Variants in DCDC1 observed in about 807,000 individuals in gnomAD.
DCDC1 encodes doublecortin domain-containing protein 1.
A neutral mutation model predicts 178.3 loss-of-function variants in DCDC1; 200 were observed. That is an observed-to-expected ratio of 1.12 (90% confidence interval 1.00 to 1.26). The LOEUF (loss-of-function observed/expected upper bound fraction) is 1.26, where lower values mean the gene tolerates loss of function less well. Among genes scored for constraint, DCDC1 ranks in the 50% most tolerant of loss-of-function variants. DCDC1 has a pLI of 0.00. For synonymous variants in DCDC1, 690 were observed against 604.8 expected (o/e 1.14, Z -2.07); for missense variants, 1,983 against 1,749.2 (o/e 1.13, Z -2.38).
At chr11:31,082,518 T>C (rs563593233) in intron 17 of DCDC1, among the ~76,000 whole-genome samples, 18 of 152,190 alleles carry the variant, frequency 1.2e-4, no homozygotes, top group Middle Eastern at 3.4e-3. Context: ...TAAATGTCTA[T>C]ATAGGTAATA....
intron 20 of DCDC1, among the ~76,000 whole-genome samples, chr11:31,023,927 A>G (rs1953058131): frequency 1.3e-5 from 2 of 152,030 alleles, no homozygotes; most frequent in Non-Finnish European, 2.9e-5. Context: ...AAGGAAATCA[A>G]TATGCTCACT....
intron 20 of DCDC1, among the ~76,000 whole-genome samples, chr11:31,000,272 T>C (rs1408734068): frequency 6.6e-6 from 1 of 152,214 alleles, no homozygotes; most frequent in East Asian, 1.9e-4. Context: ...AAGAATTCAG[T>C]ATAATTGTCT....
chr11:31,165,229 T>C (rs1966666019), intron 9 of DCDC1, among the ~76,000 whole-genome samples: 1 of 152,200 alleles, frequency 6.6e-6, no homozygotes. Context: ...TTTTTGTCAA[T>C]CTAATAGGTA....
intron 20 of DCDC1, among the ~76,000 whole-genome samples, chr11:30,954,176 C>T (rs1204576810): frequency 2.6e-5 from 4 of 151,672 alleles, no homozygotes; most frequent in African/African-American, 7.3e-5. Context: ...CCACCACGCC[C>T]GGCTATTTTT....
chr11:31,204,057 C>T (rs1403762477), intron 9 of DCDC1, among the ~76,000 whole-genome samples: 2 of 152,044 alleles, frequency 1.3e-5, no homozygotes, highest in Non-Finnish European at 2.9e-5. Flanking sequence ...TTAGTGTTTG[C>T]CAATTTCTGT....
At chr11:31,174,407 C>T (rs917513845) in intron 9 of DCDC1, among the ~76,000 whole-genome samples, 3 of 152,200 alleles carry the variant, frequency 2.0e-5, no homozygotes, top group Non-Finnish European at 4.4e-5. Context: ...TGGGCACCAA[C>T]CAGCACAAGA....
intron 10 of DCDC1, among the ~76,000 whole-genome samples, chr11:31,135,704 A>T (rs1963044787): frequency 6.6e-6 from 1 of 152,162 alleles, no homozygotes; most frequent in Non-Finnish European, 1.5e-5. Context: ...TAAGCAAAAG[A>T]CTTTTTGAGC....
chr11:31,238,027 C>T (rs1016388002), intron 9 of DCDC1, among the ~76,000 whole-genome samples: 2 of 151,684 alleles, frequency 1.3e-5, no homozygotes, highest in African/African-American at 4.8e-5. Context: ...AACTGTTAGG[C>T]CATACTGTGA....
intron 18 of DCDC1, among the ~76,000 whole-genome samples, chr11:31,073,136 G>A (rs1565248411): frequency 6.6e-6 from 1 of 152,088 alleles, no homozygotes; most frequent in Non-Finnish European, 1.5e-5. Context: ...AGAATGAAAT[G>A]CCTCATTAAT....
chr11:30,995,658 G>T lies in DCDC1; in HGVS notation c.2592-43090C>A, dbSNP rs139432265. ...GGTAGAAAAGCAACTAATTGAGAAA[G>T]AATTGTCTTTCAGCAAATAGTGCTG... On this transcript the variant is annotated intron_variant, in intron 20 of 38. Coordinates refer to ENST00000684477, the MANE Select transcript of DCDC1 (RefSeq NM_001387274.1). 2.0e-4 allele frequency among the ~76,000 whole-genome samples: 31 copies of T among 152,170 alleles called. No individual in the cohort carries two copies. In the East Asian group the frequency reaches 6.0e-3, roughly 29 times the overall value.
At chr11:31,209,444 G>C (rs1476665701) in intron 9 of DCDC1, among the ~76,000 whole-genome samples, 2 of 152,238 alleles carry the variant, frequency 1.3e-5, no homozygotes, top group African/African-American at 4.8e-5. Context: ...AAATATTACA[G>C]AGTGGTTGAA....
At chr11:31,351,549 G>GT (rs1324475253) in intron 1 of DCDC1, among the ~76,000 whole-genome samples, 3 of 152,076 alleles carry the variant, frequency 2.0e-5, no homozygotes, top group African/African-American at 7.2e-5. Context: ...GCTCAGAAAA[G>GT]TTTGTAAATA....
intron 20 of DCDC1, among the ~76,000 whole-genome samples, chr11:30,988,798 G>C (rs1410271199): frequency 6.6e-6 from 1 of 152,180 alleles, no homozygotes. Flanking sequence ...GGCATCGTAG[G>C]CTACATGTGG....
chr11:30,978,779 A>AAC (rs56058117), intron 20 of DCDC1, among the ~76,000 whole-genome samples: 3,132 of 118,866 alleles, frequency 0.026, 49 homozygotes, highest in East Asian at 0.032. Context: ...GTCCCCCCTC[A>AAC]ACACACACAC....
chr11:31,112,260 T>C (rs1199120793), intron 11 of DCDC1, among the ~76,000 whole-genome samples: 1 of 152,314 alleles, frequency 6.6e-6, no homozygotes, highest in Non-Finnish European at 1.5e-5. Context: ...TATGCCTATT[T>C]TTAAAATGCA....
At chr11:31,327,887 C>T (rs140519660) in intron 3 of DCDC1, among the ~76,000 whole-genome samples, 295 of 151,966 alleles carry the variant, frequency 1.9e-3, no homozygotes, top group African/African-American at 6.8e-3. Context: ...ATGACCATGT[C>T]CGGCTAATTT....
intron 1 of DCDC1, among the ~76,000 whole-genome samples, chr11:31,338,168 T>G (rs1950365252): frequency 1.3e-5 from 2 of 152,162 alleles, no homozygotes; most frequent in African/African-American, 4.8e-5. Flanking sequence ...AAAGGAACTT[T>G]TACAATTCCT....
intron 8 of DCDC1, among the ~76,000 whole-genome samples, chr11:31,248,468 C>A (rs1238723270): frequency 1.3e-5 from 2 of 152,074 alleles, no homozygotes; most frequent in African/African-American, 2.4e-5. Context: ...TGTAGTTAAC[C>A]TTTTTGTTCT....
At chr11:31,365,753 G>A (rs139655717) in intron 1 of DCDC1, among the ~76,000 whole-genome samples, 2,013 of 152,216 alleles carry the variant, frequency 0.013, 27 homozygotes, top group Non-Finnish European at 0.022. Flanking sequence ...AATCATCTGG[G>A]AATCAAATAT....
Sources: allele counts gnomAD v4.1 joint callset (sites outside exome capture counted in the v4.1 genomes callset), GRCh38; gene constraint gnomAD v4.1.1; transcripts MANE v1.5; gene names NCBI Gene and HGNC (gene_info 2026-07-23, HGNC 2026-07-21).